The following QTGAL variants were observed in gnomAD, a reference collection of about 807,000 sequenced individuals.
QTGAL encodes BGnT-like protein 1.
the QTGAL span, chr17:82,942,690 A>G: frequency 3.3e-6 from 2 of 608,034 alleles, no homozygotes; most frequent in South Asian, 4.0e-5. Flanking sequence ...TTCCTATAAA[A>G]TCATGTACCA....
At chr17:83,014,581 A>G in the QTGAL span, 6 of 1,569,172 alleles carry the variant, frequency 3.8e-6, no homozygotes, top group Non-Finnish European at 4.4e-6. Context: ...AGACTAATAC[A>G]GTCCCGCTTT....
chr17:82,959,046 T>G, the QTGAL span, among the ~76,000 whole-genome samples: 2 of 89,326 alleles, frequency 2.2e-5, 1 homozygote, highest in African/African-American at 9.9e-5. Flanking sequence ...TGTGGGGGTG[T>G]ATGGTGTGTG....
the QTGAL span, among the ~76,000 whole-genome samples, chr17:83,010,219 G>A: frequency 5.9e-5 from 9 of 152,068 alleles, no homozygotes; most frequent in Non-Finnish European, 1.0e-4. Flanking sequence ...GCTGAGCCAC[G>A]CCCCAGGGTC....
chr17:83,018,818 G>A, the QTGAL span, among the ~76,000 whole-genome samples: 4 of 152,230 alleles, frequency 2.6e-5, no homozygotes, highest in South Asian at 2.1e-4. Flanking sequence ...CAGCGGCGAC[G>A]CTGGCAGGGC....
the QTGAL span, among the ~76,000 whole-genome samples, chr17:83,040,719 G>A: frequency 6.6e-6 from 1 of 152,124 alleles, no homozygotes; most frequent in East Asian, 1.9e-4. Flanking sequence ...TCTGTCAACT[G>A]AGCATAAAAA....
At chr17:83,035,161 T>C in the QTGAL span, 5 of 1,385,212 alleles carry the variant, frequency 3.6e-6, no homozygotes, top group Non-Finnish European at 5.1e-6. Flanking sequence ...TTCTCTTTCA[T>C]AGAGCTTAGT....
the QTGAL span, among the ~76,000 whole-genome samples, chr17:83,028,617 C>G: frequency 6.6e-6 from 1 of 151,928 alleles, no homozygotes; most frequent in Non-Finnish European, 1.5e-5. Context: ...ATCAGAGCTA[C>G]TAGAATCATG....
chr17:82,974,986 C>T, the QTGAL span, among the ~76,000 whole-genome samples: 2 of 108,550 alleles, frequency 1.8e-5, no homozygotes, highest in African/African-American at 5.0e-5. Flanking sequence ...GTCAGGGCCC[C>T]GGGACAGAGC....
At chr17:82,956,062 C>T in the QTGAL span, among the ~76,000 whole-genome samples, 2 of 152,074 alleles carry the variant, frequency 1.3e-5, no homozygotes, top group African/African-American at 4.8e-5. This position sits in a 1 kb window ranked among gnomAD's most constrained non-coding sequence, Gnocchi z 5.7. Flanking sequence ...GGGCTTAAAA[C>T]CTACATGGCG....
At chr17:83,043,243 A>C in the QTGAL span, among the ~76,000 whole-genome samples, 1 of 152,236 alleles carries the variant, frequency 6.6e-6, no homozygotes, top group Admixed American at 6.5e-5. Context: ...TGCACAGCGC[A>C]TTCTCCAGGA....
chr17:83,024,698 G>C, the QTGAL span, among the ~76,000 whole-genome samples: 1 of 152,276 alleles, frequency 6.6e-6, no homozygotes, highest in Non-Finnish European at 1.5e-5. Context: ...CGGGTTCCTG[G>C]TGTGGGTCAG....
the QTGAL span, among the ~76,000 whole-genome samples, chr17:83,013,389 C>A: frequency 2.4e-5 from 3 of 124,108 alleles, no homozygotes; most frequent in African/African-American, 9.3e-5. Context: ...CCCATCCCAA[C>A]CCCCCTCCCC....
At chr17:83,029,321 T>C in the QTGAL span, among the ~76,000 whole-genome samples, 1 of 152,236 alleles carries the variant, frequency 6.6e-6, no homozygotes, top group Non-Finnish European at 1.5e-5. Context: ...TCCAGAATAC[T>C]ACAGTGGTAC....
the QTGAL span, chr17:82,949,194 A>T: frequency 6.6e-6 from 1 of 152,222 alleles, no homozygotes; most frequent in East Asian, 1.9e-4. Flanking sequence ...GTGAACAGCC[A>T]GACTGGGATT....
the QTGAL span, chr17:82,957,277 T>C: frequency 6.2e-7 from 1 of 1,614,090 alleles, no homozygotes; most frequent in South Asian, 1.1e-5. Context: ...AGGGCAGCTC[T>C]GGACAGGCCG....
At chr17:82,976,939 G>A in the QTGAL span, among the ~76,000 whole-genome samples, 1 of 49,426 alleles carries the variant, frequency 2.0e-5, no homozygotes. Flanking sequence ...CCACTTATGG[G>A]GAACGAGGGC....
At chr17:82,973,591 T>G in the QTGAL span, among the ~76,000 whole-genome samples, 71 of 140,370 alleles carry the variant, frequency 5.1e-4, no homozygotes, top group African/African-American at 1.5e-3. Flanking sequence ...GCAGGCGGGG[T>G]GGGGTGGGGG....
At chr17:83,000,415 A>C in the QTGAL span, among the ~76,000 whole-genome samples, 3 of 152,226 alleles carry the variant, frequency 2.0e-5, no homozygotes, top group Admixed American at 6.5e-5. Flanking sequence ...GTCGTGCAGC[A>C]CGCACTGCAG....
chr17:83,040,185 A>C, the QTGAL span, among the ~76,000 whole-genome samples: 1 of 152,146 alleles, frequency 6.6e-6, no homozygotes, highest in African/African-American at 2.4e-5. Flanking sequence ...TTACATGAGA[A>C]TATCTTAGGG....
Sources: gnomAD v4.1 joint callset for allele counts (sites outside exome capture counted in the v4.1 genomes callset) on GRCh38, gnomAD v4.1.1 for gene constraint, Gnocchi (gnomAD v3.1) non-coding constraint, MANE v1.5 for transcripts, NCBI Gene and HGNC (gene_info 2026-07-23, HGNC 2026-07-21) for gene names.